The following RAB6B variants were observed in gnomAD, a reference collection of about 807,000 sequenced individuals.
RAB6B encodes the protein RAB6B, member RAS oncogene family, also known as ras-related protein Rab-6B.
Under a neutral mutation model 31.2 loss-of-function variants are expected in RAB6B, and 7 were observed. That is an observed-to-expected ratio of 0.22 (90% CI 0.13 to 0.42). The LOEUF (loss-of-function observed/expected upper bound fraction) is 0.42, where lower values mean the gene tolerates loss of function less well. RAB6B is among the 10% of genes least tolerant of loss of function. The pLI is 1.00. For missense variants in RAB6B, 149 were observed against 280.6 expected (o/e 0.53, Z 3.35); for synonymous variants, 105 against 104.9 (o/e 1.00, Z -0.01).
At chr3:133,828,982 G>T in intron 7 of RAB6B, 130 bp from the exon 8 acceptor site, 1 of 868,868 alleles carries the variant, frequency 1.2e-6, no homozygotes, top group Non-Finnish European at 1.7e-6. Context: ...TCTTGGTTTG[G>T]CTGGGCTAGG....
Position 133,824,606 on chromosome 3 carries a change from G to C in RAB6B, c.*4182C>G, listed in dbSNP as rs1287330299. On this transcript the variant is annotated 3_prime_UTR_variant, in exon 8 of 8. Coordinates refer to ENST00000285208, the MANE Select transcript of RAB6B (RefSeq NM_016577.4). ...TTGCACATTGAGATCCCAAGGTTTT[G>C]GAACACCTAAATAGTTCATGTCAAA... The C allele has an allele frequency of 1.3e-5, 2 of 152,170 alleles. No homozygotes were observed. Among genetic ancestry groups the C allele is most frequent in the Non-Finnish European group, 2.9e-5 (2 of 68,038 alleles). The allele number at this position is 152,170 out of a possible 1,614,324, so 9.4% of individuals were successfully genotyped here.
At position 133,825,140 on chromosome 3, in the gene RAB6B, T is replaced by C. The variant is rs73861223; in HGVS notation, c.*3648A>G. On this transcript the variant is annotated 3_prime_UTR_variant, in exon 8 of 8. Transcript: ENST00000285208. ...AGCTGCCCCTCAAGTGGCTCAGACA[T>C]GCCTCACTGTCCTCGGCTACCTGGT... is the stretch of plus-strand genomic sequence containing the variant. 0.074 allele frequency: 11,215 copies of C among 152,246 alleles called. 457 individuals are homozygous for C. Among genetic ancestry groups the C allele is most frequent in the African/African-American group, 0.084 (3,491 of 41,544 alleles). The allele number at this position is 152,246 out of a possible 1,614,324, so 9.4% of individuals were successfully genotyped here. A position where few individuals can be genotyped will look rare whatever the true frequency, so the allele number is the denominator to read the frequency against.
chr3:133,864,944 C>A (rs1369058121), intron 1 of RAB6B, among the ~76,000 whole-genome samples: 1 of 152,216 alleles, frequency 6.6e-6, no homozygotes, highest in Non-Finnish European at 1.5e-5. Context: ...CCAGGAGAAC[C>A]CAGCTGATGC....
chr3:133,888,454 A>G (rs1936585242), intron 1 of RAB6B, among the ~76,000 whole-genome samples: 1 of 152,120 alleles, frequency 6.6e-6, no homozygotes, highest in Non-Finnish European at 1.5e-5. Context: ...TGAAAGCTCT[A>G]TTCTGCCCTC....
chr3:133,893,329 C>T (rs1936662098), intron 1 of RAB6B, among the ~76,000 whole-genome samples: 1 of 152,218 alleles, frequency 6.6e-6, no homozygotes, highest in Non-Finnish European at 1.5e-5. Flanking sequence ...TAGCAACTCA[C>T]AATGGGACTC....
At chr3:133,856,270 A>G (rs190337585) in intron 2 of RAB6B, among the ~76,000 whole-genome samples, 9 of 152,198 alleles carry the variant, frequency 5.9e-5, no homozygotes, top group African/African-American at 2.2e-4. Flanking sequence ...GAGGGAGAGA[A>G]AGAAAGGATG....
intron 2 of RAB6B, among the ~76,000 whole-genome samples, chr3:133,842,977 G>A (rs1576395953): frequency 6.6e-6 from 1 of 152,316 alleles, no homozygotes; most frequent in East Asian, 1.9e-4. Context: ...AATAGAAAAG[G>A]TCATATCTCC....
chr3:133,858,673 C>T (rs372207722), intron 2 of RAB6B, among the ~76,000 whole-genome samples: 16 of 152,258 alleles, frequency 1.1e-4, no homozygotes, highest in African/African-American at 2.2e-4. Context: ...TCTACAGTCC[C>T]ATGCTGCGAT....
At chr3:133,838,383 G>A in intron 5 of RAB6B, 124 bp from the exon 6 acceptor site, 2 of 846,276 alleles carry the variant, frequency 2.4e-6, no homozygotes, top group Non-Finnish European at 4.0e-6. Context: ...CTGAAGACAG[G>A]CTCTGATCCC....
At chr3:133,859,190 A>G (rs1559906697) in intron 2 of RAB6B, among the ~76,000 whole-genome samples, 1 of 152,070 alleles carries the variant, frequency 6.6e-6, no homozygotes, top group Non-Finnish European at 1.5e-5. Flanking sequence ...TCTTGACCAG[A>G]CTGGTCTTGA....
At chr3:133,858,406 C>A (rs780157608) in intron 2 of RAB6B, among the ~76,000 whole-genome samples, 16 of 152,310 alleles carry the variant, frequency 1.1e-4, no homozygotes, top group Non-Finnish European at 1.8e-4. Context: ...TAACAAAGTA[C>A]CACAGACTGG....
intron 1 of RAB6B, among the ~76,000 whole-genome samples, chr3:133,889,498 C>G (rs1936608025): frequency 1.4e-5 from 2 of 140,236 alleles, no homozygotes; most frequent in African/African-American, 5.3e-5. Flanking sequence ...GCAGTGGTGC[C>G]ATCTCGGCTC....
At chr3:133,875,289 T>A (rs148789681) in intron 1 of RAB6B, among the ~76,000 whole-genome samples, 107 of 150,444 alleles carry the variant, frequency 7.1e-4, no homozygotes, top group African/African-American at 2.5e-3. Flanking sequence ...TGTGTGTGCA[T>A]GTGTTAAGAA....
chr3:133,841,076 A>G (rs1470751801), intron 4 of RAB6B, among the ~76,000 whole-genome samples: 1 of 152,182 alleles, frequency 6.6e-6, no homozygotes, highest in African/African-American at 2.4e-5. Flanking sequence ...TGTCGGTTGC[A>G]GGAGGGTGGG....
chr3:133,884,104 G>GA (rs1320114222), intron 1 of RAB6B, among the ~76,000 whole-genome samples: 8 of 152,364 alleles, frequency 5.3e-5, no homozygotes, highest in African/African-American at 1.9e-4. Flanking sequence ...GGTGGTGACT[G>GA]AAAAATGCTG....
chr3:133,867,832 A>C (rs1279998023), intron 1 of RAB6B, among the ~76,000 whole-genome samples: 3 of 152,144 alleles, frequency 2.0e-5, no homozygotes, highest in Non-Finnish European at 2.9e-5. Context: ...TGAGGGACTC[A>C]TTCTTACTTT....
At chr3:133,841,252 G>A (rs1935826000) in intron 4 of RAB6B, 33 bp downstream of exon 4, 2 of 1,610,722 alleles carry the variant, frequency 1.2e-6, no homozygotes, top group African/African-American at 2.7e-5. Context: ...CCCCCTATGA[G>A]CCACCCTCCC....
At chr3:133,886,514 C>T (rs973398699) in intron 1 of RAB6B, among the ~76,000 whole-genome samples, 18 of 152,190 alleles carry the variant, frequency 1.2e-4, no homozygotes, top group Admixed American at 5.2e-4. Flanking sequence ...GAGGAGCAGG[C>T]ATGGTGAGTC....
At chr3:133,845,331 T>A (rs1935894323) in intron 2 of RAB6B, among the ~76,000 whole-genome samples, 1 of 152,180 alleles carries the variant, frequency 6.6e-6, no homozygotes, top group South Asian at 2.1e-4. Flanking sequence ...AGTACCCTTA[T>A]AAAAGAGGCT....
Sources: allele counts gnomAD v4.1 joint callset (sites outside exome capture counted in the v4.1 genomes callset), GRCh38; gene constraint gnomAD v4.1.1; transcripts MANE v1.5; gene names NCBI Gene and HGNC (gene_info 2026-07-23, HGNC 2026-07-21).